The following ROR1 variants were observed in gnomAD, a reference collection of about 807,000 sequenced individuals.
ROR1 encodes the protein inactive tyrosine-protein kinase transmembrane receptor ROR1.
In ROR1, 19 loss-of-function variants were observed where a neutral mutation model predicts 78.8. The observed-to-expected ratio is 0.24, with a 90% confidence interval of 0.17 to 0.35. The LOEUF is 0.35. Ranked by LOEUF, ROR1 falls within the 10% of genes least tolerant of loss-of-function variation. The pLI is 1.00. For missense variants in ROR1, 917 were observed against 1,177.8 expected (o/e 0.78, Z 3.24); for synonymous variants, 386 against 433.6 (o/e 0.89, Z 1.36).
chr1:64,142,376 A>C (rs116112032), intron 6 of ROR1, 29 bp from the exon 7 acceptor site: 46,720 of 1,611,340 alleles, frequency 0.029, 828 homozygotes, highest in Non-Finnish European at 0.036. Flanking sequence ...GTTTCTTTCT[A>C]ATTGTTTGGG....
intron 7 of ROR1, among the ~76,000 whole-genome samples, chr1:64,144,165 C>A (rs145287281): frequency 1.6e-4 from 24 of 152,202 alleles, no homozygotes; most frequent in African/African-American, 5.8e-4. Context: ...AGAGTGACTC[C>A]GGAGCTTCTC....
At chr1:63,802,414 A>T (rs1644802965) in intron 1 of ROR1, among the ~76,000 whole-genome samples, 1 of 152,194 alleles carries the variant, frequency 6.6e-6, no homozygotes, top group African/African-American at 2.4e-5. Flanking sequence ...TTTGCATGCT[A>T]CTTTACAGTT....
chr1:63,873,052 T>C (rs1476717627), intron 1 of ROR1, among the ~76,000 whole-genome samples: 2 of 152,124 alleles, frequency 1.3e-5, no homozygotes, highest in Non-Finnish European at 2.9e-5. Context: ...AGAGAGGTAT[T>C]CTGTCTTCTC....
chr1:64,163,491 G>T (rs1490554581), intron 8 of ROR1, among the ~76,000 whole-genome samples: 1 of 152,142 alleles, frequency 6.6e-6, no homozygotes, highest in Admixed American at 6.5e-5. Flanking sequence ...GGTGTGAGAT[G>T]CAGCCAAAGC....
At chr1:63,937,109 A>G (rs1305333776) in intron 1 of ROR1, among the ~76,000 whole-genome samples, 1 of 152,238 alleles carries the variant, frequency 6.6e-6, no homozygotes, top group Non-Finnish European at 1.5e-5. Flanking sequence ...TTGGGCCAAG[A>G]TGTTATTAAT....
intron 1 of ROR1, among the ~76,000 whole-genome samples, chr1:63,958,128 C>A (rs565623745): frequency 1.3e-5 from 2 of 152,136 alleles, no homozygotes; most frequent in African/African-American, 4.8e-5. Context: ...TGTCATATAG[C>A]TATATCAAAT....
intron 8 of ROR1, among the ~76,000 whole-genome samples, chr1:64,168,469 A>G (rs1460111341): frequency 6.6e-6 from 1 of 152,176 alleles, no homozygotes; most frequent in East Asian, 1.9e-4. Flanking sequence ...CTAGGATAGG[A>G]GCCATGTCTT....
intron 1 of ROR1, among the ~76,000 whole-genome samples, chr1:63,904,217 G>A (rs536130929): frequency 6.6e-6 from 1 of 152,104 alleles, no homozygotes; most frequent in African/African-American, 2.4e-5. Flanking sequence ...TGTGGATTAC[G>A]GGTTTCTAGA....
chr1:64,050,863 T>C (rs1344891620), intron 4 of ROR1, 147 bp downstream of exon 4: 2 of 779,218 alleles, frequency 2.6e-6, no homozygotes, highest in Admixed American at 1.9e-5. Context: ...ATTTTGCTTG[T>C]TCTCTGCTCT....
At chr1:64,016,008 C>T (rs1489162805) in intron 2 of ROR1, among the ~76,000 whole-genome samples, 1 of 152,094 alleles carries the variant, frequency 6.6e-6, no homozygotes, top group African/African-American at 2.4e-5. Context: ...TTCTCTTGAC[C>T]GCCCCCTCCC....
intron 8 of ROR1, among the ~76,000 whole-genome samples, chr1:64,167,147 C>T (rs1224294329): frequency 6.6e-6 from 1 of 152,160 alleles, no homozygotes; most frequent in Non-Finnish European, 1.5e-5. Flanking sequence ...TTCTATTTGC[C>T]TCTACTGCCT....
intron 5 of ROR1, among the ~76,000 whole-genome samples, chr1:64,138,040 C>T (rs1257764961): frequency 6.6e-6 from 1 of 152,162 alleles, no homozygotes; most frequent in Admixed American, 6.5e-5. Flanking sequence ...ATATTTCACT[C>T]TTCATTTTTC....
chr1:64,108,919 A>C (rs369141222), intron 4 of ROR1, among the ~76,000 whole-genome samples: 1 of 152,176 alleles, frequency 6.6e-6, no homozygotes, highest in Non-Finnish European at 1.5e-5. Flanking sequence ...TCCTAGTCCT[A>C]CTAAATCCAA....
At chr1:63,782,235 C>T (rs1367633292) in intron 1 of ROR1, among the ~76,000 whole-genome samples, 2 of 152,134 alleles carry the variant, frequency 1.3e-5, no homozygotes, top group African/African-American at 4.8e-5. Flanking sequence ...CTCTTCCGGT[C>T]ATATGACTAG....
intron 1 of ROR1, among the ~76,000 whole-genome samples, chr1:63,995,449 G>A (rs1646329256): frequency 6.6e-6 from 1 of 152,134 alleles, no homozygotes; most frequent in African/African-American, 2.4e-5. Context: ...ACTCTAATAG[G>A]CAGTTCTCCG....
chr1:63,845,174 A>G (rs1484186581), intron 1 of ROR1, among the ~76,000 whole-genome samples: 3 of 152,040 alleles, frequency 2.0e-5, no homozygotes, highest in African/African-American at 7.2e-5. Flanking sequence ...ACATATATTT[A>G]TAGACTGGCT....
intron 7 of ROR1, among the ~76,000 whole-genome samples, chr1:64,146,575 A>G (rs1164749082): frequency 6.6e-6 from 1 of 152,228 alleles, no homozygotes; most frequent in Non-Finnish European, 1.5e-5. Context: ...ATTTCCAACC[A>G]ATGCCTATCA....
chr1:64,129,126 C>G (rs1011701065), intron 4 of ROR1, among the ~76,000 whole-genome samples: 7 of 152,084 alleles, frequency 4.6e-5, no homozygotes, highest in Non-Finnish European at 7.4e-5. Flanking sequence ...GGCCAGTAGT[C>G]TTTTTTTAAC....
At chr1:63,955,322 G>A (rs1645972388) in intron 1 of ROR1, among the ~76,000 whole-genome samples, 1 of 152,040 alleles carries the variant, frequency 6.6e-6, no homozygotes, top group South Asian at 2.1e-4. Flanking sequence ...GCTAATATAA[G>A]CATAAATTTT....
Sources: allele counts gnomAD v4.1 joint callset (sites outside exome capture counted in the v4.1 genomes callset), GRCh38; gene constraint gnomAD v4.1.1; transcripts MANE v1.5; gene names NCBI Gene and HGNC (gene_info 2026-07-23, HGNC 2026-07-21).